Variants in ATRNL1 observed in about 807,000 individuals in gnomAD.
The protein encoded by ATRNL1 is attractin like 1.
ATRNL1 carries 95 observed loss-of-function variants against 182.7 expected under a neutral mutation model. That is an observed-to-expected ratio of 0.52 (90% CI 0.44 to 0.62). ATRNL1 has a LOEUF of 0.62. ATRNL1 is among the 20% of genes least tolerant of loss of function. The probability of loss-of-function intolerance (pLI) is 0.00; values close to 1 mark genes in which losing one functional copy is unlikely to be tolerated. For synonymous variants in ATRNL1, 576 were observed against 568.3 expected (o/e 1.01, Z -0.19); for missense variants, 1,471 against 1,679.5 (o/e 0.88, Z 2.17).
chr10:115,751,745 T>C (rs1948454814), intron 27 of ATRNL1, among the ~76,000 whole-genome samples: 1 of 152,080 alleles, frequency 6.6e-6, no homozygotes, highest in African/African-American at 2.4e-5. Flanking sequence ...TCTCAGGCAA[T>C]ATTGCTAAGT....
intron 27 of ATRNL1, among the ~76,000 whole-genome samples, chr10:115,822,936 C>T (rs952504168): frequency 7.9e-5 from 12 of 152,270 alleles, no homozygotes; most frequent in African/African-American, 2.9e-4. Flanking sequence ...TTTTATGAGG[C>T]CAGCATTATC....
Position 115,123,537 on chromosome 10 carries a change from C to T in ATRNL1, c.491+1725C>T, listed in dbSNP as rs1395072352. The stretch of plus-strand genomic sequence containing the variant: ...TTAATTACAGAGACTGTGTCACAGG[C>T]TTAGAGTACATAGTAAGGAAGAAGG... On this transcript the variant is annotated intron_variant, in intron 3 of 28. Coordinates refer to ENST00000355044, the MANE Select transcript of ATRNL1 (RefSeq NM_207303.4). 1.2e-4 allele frequency among the ~76,000 whole-genome samples: 19 copies of T among 152,118 alleles called. 1 individual carries two copies. Among genetic ancestry groups the T allele is most frequent in the Admixed American group, 1.2e-3 (19 of 15,270 alleles).
intron 26 of ATRNL1, among the ~76,000 whole-genome samples, chr10:115,605,710 A>T (rs1427483430): frequency 6.6e-6 from 1 of 152,036 alleles, no homozygotes; most frequent in Non-Finnish European, 1.5e-5. Flanking sequence ...TAGTATGCAT[A>T]TACAGAAATG....
chr10:115,169,297 C>A (rs1171559087), intron 7 of ATRNL1, among the ~76,000 whole-genome samples: 1 of 150,620 alleles, frequency 6.6e-6, no homozygotes, highest in East Asian at 1.9e-4. Flanking sequence ...ACCTCCACTT[C>A]CTGGGTTCAA....
intron 8 of ATRNL1, among the ~76,000 whole-genome samples, chr10:115,174,233 A>G (rs1554886306): frequency 1.3e-5 from 2 of 151,674 alleles, no homozygotes; most frequent in African/African-American, 4.8e-5. Flanking sequence ...TTCTCTGGAA[A>G]TGTAATTTTC....
At chr10:115,912,528 A>G (rs1267759432) in intron 28 of ATRNL1, among the ~76,000 whole-genome samples, 1 of 152,098 alleles carries the variant, frequency 6.6e-6, no homozygotes, top group African/African-American at 2.4e-5. Flanking sequence ...GGAGCTATGT[A>G]TCAAGAGCTT....
At chr10:115,257,818 C>T (rs904171814) in intron 10 of ATRNL1, among the ~76,000 whole-genome samples, 5 of 152,200 alleles carry the variant, frequency 3.3e-5, no homozygotes, top group African/African-American at 9.7e-5. Context: ...GACAAAATCT[C>T]TCAGCATTTG....
intron 10 of ATRNL1, among the ~76,000 whole-genome samples, chr10:115,250,041 A>G (rs1465620391): frequency 6.6e-6 from 1 of 152,152 alleles, no homozygotes; most frequent in African/African-American, 2.4e-5. Flanking sequence ...TCCTCTTGTT[A>G]TCTGGACAGC....
intron 19 of ATRNL1, among the ~76,000 whole-genome samples, chr10:115,393,757 A>C (rs142138137): frequency 2.1e-4 from 32 of 152,264 alleles, no homozygotes; most frequent in African/African-American, 7.5e-4. Flanking sequence ...GGGGTCAGAT[A>C]CAAGAAAGAT....
At chr10:115,426,811 G>A (rs1845922808) in intron 21 of ATRNL1, among the ~76,000 whole-genome samples, 1 of 152,128 alleles carries the variant, frequency 6.6e-6, no homozygotes, top group African/African-American at 2.4e-5. Flanking sequence ...TGCAACCCCT[G>A]CCTCCCAGGT....
At chr10:115,536,176 C>G (rs1484119481) in intron 25 of ATRNL1, among the ~76,000 whole-genome samples, 1 of 152,138 alleles carries the variant, frequency 6.6e-6, no homozygotes, top group African/African-American at 2.4e-5. Context: ...GCAGAGGTTA[C>G]TGCTGTGTTT....
chr10:115,603,294 T>C (rs186232182), intron 26 of ATRNL1, among the ~76,000 whole-genome samples: 11 of 152,268 alleles, frequency 7.2e-5, no homozygotes, highest in Admixed American at 1.3e-4. Flanking sequence ...CCACCAAGAA[T>C]TGCTTCATTA....
At chr10:115,837,565 C>T (rs981961580) in intron 27 of ATRNL1, among the ~76,000 whole-genome samples, 2 of 145,756 alleles carry the variant, frequency 1.4e-5, no homozygotes, top group Admixed American at 1.4e-4. Context: ...GCATATCCAT[C>T]CATAAAATAT....
chr10:115,503,250 T>A (rs537805373), intron 24 of ATRNL1, among the ~76,000 whole-genome samples: 1 of 152,280 alleles, frequency 6.6e-6, no homozygotes, highest in Non-Finnish European at 1.5e-5. Context: ...AGGAATTGTT[T>A]CGATAAACTG....
chr10:115,235,630 A>T (rs573343102), intron 9 of ATRNL1, among the ~76,000 whole-genome samples: 3 of 152,234 alleles, frequency 2.0e-5, no homozygotes, highest in East Asian at 3.9e-4. Flanking sequence ...TTAAAAATCT[A>T]TTTGTCAATT....
chr10:115,262,149 G>A (rs1851418274), intron 10 of ATRNL1, among the ~76,000 whole-genome samples: 1 of 150,018 alleles, frequency 6.7e-6, no homozygotes, highest in Admixed American at 6.6e-5. Flanking sequence ...TCTGGAATAT[G>A]CTTTGGGAAG....
chr10:115,746,421 A>T (rs1349467755), intron 27 of ATRNL1, among the ~76,000 whole-genome samples: 1 of 152,114 alleles, frequency 6.6e-6, no homozygotes, highest in Non-Finnish European at 1.5e-5. Flanking sequence ...TAGGAAAATC[A>T]TTATACCTGA....
chr10:115,560,365 A>G (rs1853625001), intron 26 of ATRNL1, among the ~76,000 whole-genome samples: 1 of 152,146 alleles, frequency 6.6e-6, no homozygotes, highest in South Asian at 2.1e-4. Context: ...AGTATGGGAG[A>G]GACCCTCCCC....
At position 115,268,356 on chromosome 10, in the gene ATRNL1, C is replaced by CA. The variant is rs782762520; in HGVS notation, c.2013dup (p.Asp672ArgfsTer16). The stretch of plus-strand genomic sequence containing the variant: ...TCTGATGACAGATGTTACAGATATG[C>CA]AGATTGTGCCAGCTGTACTGCCAAT... On this transcript the variant is annotated frameshift_variant, in exon 13 of 29. Transcript: ENST00000355044. LOFTEE classifies it high-confidence loss of function. 6.2e-7 allele frequency: 1 copy of CA among 1,613,182 alleles called. No homozygotes were observed. The highest frequency in any genetic ancestry group is 1.7e-4 in the Middle Eastern group (1 of 6,056).
Sources: gnomAD v4.1 joint callset for allele counts (sites outside exome capture counted in the v4.1 genomes callset) on GRCh38, gnomAD v4.1.1 for gene constraint, MANE v1.5 for transcripts, NCBI Gene and HGNC (gene_info 2026-07-23, HGNC 2026-07-21) for gene names.